The following MYO3A variants were observed in gnomAD, a reference collection of about 807,000 sequenced individuals.
The protein encoded by MYO3A is myosin IIIA.
MYO3A carries 180 observed loss-of-function variants against 192.7 expected under a neutral mutation model. That is an observed-to-expected ratio of 0.93 (90% CI 0.83 to 1.06). The LOEUF is 1.06. Ranked by LOEUF, MYO3A falls within the 50% of genes least tolerant of loss-of-function variation. The pLI, the probability that MYO3A is intolerant of heterozygous loss-of-function variation, is 0.00. For synonymous variants in MYO3A, 628 were observed against 645.3 expected (o/e 0.97, Z 0.41); for missense variants, 1,896 against 1,905.0 (o/e 1.00, Z 0.09).
chr10:26,079,237 T>C (rs1005684274), intron 14 of MYO3A, among the ~76,000 whole-genome samples: 3 of 152,190 alleles, frequency 2.0e-5, no homozygotes, highest in African/African-American at 7.2e-5. Context: ...ATTTTCCTCT[T>C]GGACAAGGCC....
chr10:25,979,987 A>G (rs1269492064), intron 4 of MYO3A, among the ~76,000 whole-genome samples: 1 of 152,250 alleles, frequency 6.6e-6, no homozygotes, highest in Non-Finnish European at 1.5e-5. Context: ...CTGTAATCCC[A>G]GCACTTTGGG....
chr10:26,116,701 A>G (rs1306602588), intron 17 of MYO3A, among the ~76,000 whole-genome samples: 1 of 152,172 alleles, frequency 6.6e-6, no homozygotes, highest in Admixed American at 6.5e-5. Context: ...CAAAATCTAG[A>G]TCCTGCATTT....
chr10:26,047,983 A>T (rs1843730333), intron 10 of MYO3A, among the ~76,000 whole-genome samples: 1 of 151,912 alleles, frequency 6.6e-6, no homozygotes, highest in East Asian at 1.9e-4. Flanking sequence ...CTCTAAATAC[A>T]TTTTTGTCAT....
intron 29 of MYO3A, among the ~76,000 whole-genome samples, chr10:26,171,372 T>C (rs1172555740): frequency 1.3e-5 from 2 of 152,024 alleles, no homozygotes; most frequent in African/African-American, 4.8e-5. Flanking sequence ...GCTTCCTAGC[T>C]TCCTTCTTTC....
intron 8 of MYO3A, among the ~76,000 whole-genome samples, 156 bp from the exon 9 acceptor site, chr10:26,023,866 A>T (rs758791043): frequency 1.3e-4 from 20 of 152,206 alleles, no homozygotes; most frequent in Non-Finnish European, 2.4e-4. Flanking sequence ...ATAAAGAAAG[A>T]TGAGTAATGA....
intron 6 of MYO3A, among the ~76,000 whole-genome samples, chr10:26,011,424 G>T (rs189324719): frequency 5.1e-4 from 78 of 151,550 alleles, no homozygotes; most frequent in African/African-American, 1.8e-3. Context: ...ATGGAAGTGA[G>T]ACCATGTCTA....
chr10:26,122,703 C>T (rs1210368519), intron 18 of MYO3A, among the ~76,000 whole-genome samples: 1 of 152,076 alleles, frequency 6.6e-6, no homozygotes, highest in African/African-American at 2.4e-5. Flanking sequence ...TCCATCACCT[C>T]CCTCTCCCCC....
chr10:26,195,240 A>G (rs1419368835), intron 32 of MYO3A, among the ~76,000 whole-genome samples: 1 of 152,174 alleles, frequency 6.6e-6, no homozygotes, highest in African/African-American at 2.4e-5. Flanking sequence ...TAATCTGACT[A>G]TTACCTTGAC....
chr10:26,013,364 G>T (rs991857241), intron 6 of MYO3A, among the ~76,000 whole-genome samples: 1 of 151,868 alleles, frequency 6.6e-6, no homozygotes, highest in Admixed American at 6.6e-5. Context: ...GACAATATTT[G>T]GAATCTATGC....
chr10:25,940,749 T>C (rs1836436384), intron 2 of MYO3A, among the ~76,000 whole-genome samples: 1 of 152,216 alleles, frequency 6.6e-6, no homozygotes, highest in South Asian at 2.1e-4. Flanking sequence ...GTTTTGAATA[T>C]ATTATGCTAC....
intron 4 of MYO3A, among the ~76,000 whole-genome samples, chr10:25,974,906 A>G (rs951570966): frequency 1.3e-5 from 2 of 152,240 alleles, no homozygotes; most frequent in South Asian, 2.1e-4. Context: ...TATACTGTCA[A>G]CTGAAGAATT....
At chr10:26,097,512 A>G (rs1564545356) in intron 17 of MYO3A, among the ~76,000 whole-genome samples, 1 of 151,962 alleles carries the variant, frequency 6.6e-6, no homozygotes, top group Non-Finnish European at 1.5e-5. Flanking sequence ...CATTAGGTAT[A>G]TCTCCTAATG....
chr10:26,011,406 C>T (rs12261043), intron 6 of MYO3A, among the ~76,000 whole-genome samples: 14,229 of 151,826 alleles, frequency 0.094, 1,170 homozygotes, highest in African/African-American at 0.21. Context: ...TGCATTCTAG[C>T]CTGGGCGATG....
At chr10:26,207,154 C>T (rs963676393) in intron 34 of MYO3A, among the ~76,000 whole-genome samples, 2 of 151,228 alleles carry the variant, frequency 1.3e-5, no homozygotes, top group African/African-American at 2.4e-5. Flanking sequence ...AATATTTTCT[C>T]CCATTTAAAT....
intron 2 of MYO3A, among the ~76,000 whole-genome samples, chr10:25,940,283 A>T (rs1167496739): frequency 2.0e-5 from 3 of 149,918 alleles, no homozygotes; most frequent in African/African-American, 4.9e-5. Flanking sequence ...TAATTGAATG[A>T]CTTTTGTAAA....
intron 17 of MYO3A, among the ~76,000 whole-genome samples, chr10:26,105,786 G>A (rs553532902): frequency 6.6e-6 from 1 of 152,004 alleles, no homozygotes; most frequent in African/African-American, 2.4e-5. Flanking sequence ...ACTCTAGGTT[G>A]TATGTGTAGT....
At chr10:26,161,664 C>T (rs1263526492) in intron 26 of MYO3A, among the ~76,000 whole-genome samples, 1 of 152,108 alleles carries the variant, frequency 6.6e-6, no homozygotes, top group Non-Finnish European at 1.5e-5. Context: ...ATGATAATAA[C>T]AATATCTACA....
At chr10:26,003,124 GTC>G (rs1840958964) in intron 6 of MYO3A, among the ~76,000 whole-genome samples, 1 of 152,180 alleles carries the variant, frequency 6.6e-6, no homozygotes, top group South Asian at 2.1e-4. Context: ...GTGTGAAAAA[GTC>G]TCTGCCTCCT....
At chr10:26,021,426 T>G (rs1450553843) in intron 7 of MYO3A, 77 bp from the exon 8 acceptor site, 5 of 1,516,732 alleles carry the variant, frequency 3.3e-6, no homozygotes, top group Admixed American at 1.7e-5. Flanking sequence ...AAATACTTAA[T>G]GCTTTGTTCT....
Sources: allele counts gnomAD v4.1 joint callset (sites outside exome capture counted in the v4.1 genomes callset), GRCh38; gene constraint gnomAD v4.1.1; transcripts MANE v1.5; gene names NCBI Gene and HGNC (gene_info 2026-07-23, HGNC 2026-07-21).